CYSTM1: variants seen among roughly 807,000 people sequenced by gnomAD.
CYSTM1 encodes the protein cysteine rich transmembrane module containing 1, also known as cysteine-rich transmembrane module-containing protein 1.
Under a neutral mutation model 13.1 loss-of-function variants are expected in CYSTM1, and 4 were observed. The ratio of observed to expected loss-of-function variants is 0.31; its 90% CI spans 0.15 to 0.70. CYSTM1 has a LOEUF of 0.70. CYSTM1 is among the 30% of genes least tolerant of loss of function. The pLI is 0.72. For synonymous variants in CYSTM1, 36 were observed against 42.7 expected, an observed-to-expected ratio of 0.84 and a Z score of 0.62; for missense variants, 96 against 121.6, an observed-to-expected ratio of 0.79 and a Z score of 0.99.
At chr5:140,176,855 G>T (rs187616408) in intron 1 of CYSTM1, among the ~76,000 whole-genome samples, 248 of 152,116 alleles carry the variant, frequency 1.6e-3, no homozygotes, top group African/African-American at 5.9e-3. Context: ...GGATCACGAG[G>T]TCAGGAGATC....
In CYSTM1 at chr5:140,243,296, T is replaced by C. The variant is rs758268139; in HGVS notation, c.188-9T>C. 6.2e-7 allele frequency: 1 copy of C among 1,612,836 alleles called. No individual in the cohort carries two copies. The highest frequency in any genetic ancestry group is 8.5e-7 in the Non-Finnish European group (1 of 1,178,958). ...TCCATTCTCACCCTCTTCCCTCTTC[T>C]CCCTCCAGTGTATGTGGTAGAAGAC... On this transcript the variant is annotated splice_polypyrimidine_tract_variant and intron_variant, in intron 2 of 2. Transcript: ENST00000261811.
chr5:140,207,725 A>G (rs868693389), intron 2 of CYSTM1, among the ~76,000 whole-genome samples: 1 of 152,102 alleles, frequency 6.6e-6, no homozygotes, highest in Admixed American at 6.6e-5. Context: ...CTCCTTCCAC[A>G]TGGCTTTTGC....
chr5:140,233,252 C>T (rs1764637504), intron 2 of CYSTM1, among the ~76,000 whole-genome samples: 1 of 152,102 alleles, frequency 6.6e-6, no homozygotes, highest in Non-Finnish European at 1.5e-5. Context: ...GTAGGTTTTG[C>T]CCTGGAATGT....
intron 2 of CYSTM1, chr5:140,228,823 A>G (rs1490404896): frequency 2.5e-6 from 1 of 399,094 alleles, no homozygotes; most frequent in African/African-American, 2.1e-5. Context: ...TGCCTCCTGG[A>G]CAACTTGAAC....
intron 2 of CYSTM1, among the ~76,000 whole-genome samples, chr5:140,240,359 G>A (rs932166215): frequency 1.3e-5 from 2 of 151,544 alleles, no homozygotes; most frequent in African/African-American, 4.9e-5. Context: ...GGCTGTAGAG[G>A]AGGCAGTTGC....
chr5:140,235,408 C>CT (rs11310816), intron 2 of CYSTM1, among the ~76,000 whole-genome samples: 121 of 139,522 alleles, frequency 8.7e-4, no homozygotes, highest in South Asian at 1.9e-3. Flanking sequence ...AAAAACTTTC[C>CT]TTTTTTTTTT....
intron 1 of CYSTM1, 114 bp from the exon 2 acceptor site, chr5:140,194,314 GCAGAGCTAGAGATTTGCA>G: frequency 1.3e-6 from 1 of 798,580 alleles, no homozygotes; most frequent in Non-Finnish European, 1.9e-6. Context: ...AACAAAATGG[GCAGAGCTAGAGATTTGCA>G]CAAGGCTTGA....
At chr5:140,206,442 T>G (rs1178300137) in intron 2 of CYSTM1, among the ~76,000 whole-genome samples, 5 of 152,172 alleles carry the variant, frequency 3.3e-5, no homozygotes, top group African/African-American at 1.2e-4. Context: ...AATGTCCCCC[T>G]CTCCCAATCT....
chr5:140,242,664 A>G (rs1278085550), intron 2 of CYSTM1, among the ~76,000 whole-genome samples: 1 of 152,198 alleles, frequency 6.6e-6, no homozygotes, highest in Non-Finnish European at 1.5e-5. Context: ...TGGCCATGAC[A>G]GGGCTCAGGT....
At chr5:140,227,964 T>C (rs1343271115) in intron 2 of CYSTM1, among the ~76,000 whole-genome samples, 1 of 152,174 alleles carries the variant, frequency 6.6e-6, no homozygotes, top group Non-Finnish European at 1.5e-5. Context: ...ATTGTACAAA[T>C]AAAATAGATG....
chr5:140,199,440 C>T (rs967717391), intron 2 of CYSTM1, among the ~76,000 whole-genome samples: 3 of 152,176 alleles, frequency 2.0e-5, no homozygotes, highest in African/African-American at 7.2e-5. Flanking sequence ...AAAAGTGTTC[C>T]TATTTCTCCA....
At chr5:140,220,110 C>T (rs895804207) in intron 2 of CYSTM1, among the ~76,000 whole-genome samples, 1 of 152,204 alleles carries the variant, frequency 6.6e-6, no homozygotes, top group African/African-American at 2.4e-5. Flanking sequence ...AAGTCATTTC[C>T]TATCTCTGTT....
rs1045126717 is a variant in CYSTM1, at chr5:140,239,077, T to C, written c.188-4228T>C. 1.3e-5 allele frequency among the ~76,000 whole-genome samples: 2 copies of C among 152,190 alleles called. No homozygotes were observed. The highest frequency in any genetic ancestry group is 4.8e-5 in the African/African-American group (2 of 41,446). On this transcript the variant is annotated intron_variant, in intron 2 of 2. Transcript: ENST00000261811. This position sits in a 1 kb window ranked among gnomAD's most constrained non-coding sequence, Gnocchi z 5.4. Reference sequence around the variant, plus strand: ...GGAGGCTCTGGTCTTTCTGTTTGCCTTTCCCGCCTAGCTCTCTTGGGTTGG... The same window carrying C: ...GGAGGCTCTGGTCTTTCTGTTTGCCCTTCCCGCCTAGCTCTCTTGGGTTGG...
At chr5:140,189,996 A>T (rs2082404) in intron 1 of CYSTM1, among the ~76,000 whole-genome samples, 113,912 of 152,004 alleles carry the variant, frequency 0.75, 42,926 homozygotes, top group East Asian at 0.79. Flanking sequence ...CACAAGGATA[A>T]CCAATTAATC....
At chr5:140,217,872 A>G (rs1442616639) in intron 2 of CYSTM1, among the ~76,000 whole-genome samples, 2 of 152,176 alleles carry the variant, frequency 1.3e-5, no homozygotes, top group African/African-American at 4.8e-5. Flanking sequence ...GCCCTGTGGT[A>G]GGCTGTGAGC....
At chr5:140,208,657 C>A (rs1357657768) in intron 2 of CYSTM1, among the ~76,000 whole-genome samples, 1 of 152,108 alleles carries the variant, frequency 6.6e-6, no homozygotes. Flanking sequence ...GCATTACATG[C>A]CTGTATCAAA....
At chr5:140,228,372 G>A (rs1307540653) in intron 2 of CYSTM1, among the ~76,000 whole-genome samples, 1 of 152,210 alleles carries the variant, frequency 6.6e-6, no homozygotes, top group Non-Finnish European at 1.5e-5. Context: ...TTCCGCCGGT[G>A]CCTGCCATAT....
intron 1 of CYSTM1, among the ~76,000 whole-genome samples, chr5:140,190,452 G>A (rs1176516137): frequency 6.6e-6 from 1 of 152,090 alleles, no homozygotes; most frequent in Non-Finnish European, 1.5e-5. Context: ...GACTGGGTGA[G>A]TCATTTCTTT....
intron 2 of CYSTM1, among the ~76,000 whole-genome samples, chr5:140,198,767 A>G (rs1282699086): frequency 6.6e-6 from 1 of 152,230 alleles, no homozygotes; most frequent in Non-Finnish European, 1.5e-5. Flanking sequence ...GGTTTTCAGT[A>G]TATCAACAGA....
Sources: gnomAD v4.1 joint callset for allele counts (sites outside exome capture counted in the v4.1 genomes callset) on GRCh38, gnomAD v4.1.1 for gene constraint, Gnocchi (gnomAD v3.1) non-coding constraint, MANE v1.5 for transcripts, NCBI Gene and HGNC (gene_info 2026-07-23, HGNC 2026-07-21) for gene names.